CC2D1A: variants seen among roughly 807,000 people sequenced by gnomAD.
CC2D1A encodes coiled-coil and C2 domain containing 1A, also known as coiled-coil and C2 domain-containing protein 1A.
Under a neutral mutation model 123.8 loss-of-function variants are expected in CC2D1A, and 68 were observed. The observed-to-expected ratio is 0.55, with a 90% CI of 0.45 to 0.67. The LOEUF (loss-of-function observed/expected upper bound fraction) is 0.67. CC2D1A is among the 30% of genes least tolerant of loss of function. The pLI is 0.00. For synonymous variants in CC2D1A, 477 were observed against 528.0 expected, an observed-to-expected ratio of 0.90 and a Z score of 1.32; for missense variants, 1,185 against 1,290.3, an observed-to-expected ratio of 0.92 and a Z score of 1.25.
At chr19:13,920,695 G>T (rs1971381325) in intron 13 of CC2D1A, 27 bp downstream of exon 13, 1 of 1,609,252 alleles carries the variant, frequency 6.2e-7, no homozygotes, top group South Asian at 1.1e-5. Flanking sequence ...CGCCCCAGCT[G>T]CCTGTTGCCT....
At chr19:13,927,731 C>G (rs1971694821) in intron 22 of CC2D1A, 162 bp from the exon 23 acceptor site, 2 of 733,162 alleles carry the variant, frequency 2.7e-6, no homozygotes, top group African/African-American at 3.5e-5. Context: ...GCAGTGAGCC[C>G]AGATTGCACC....
intron 26 of CC2D1A, 148 bp downstream of exon 26, chr19:13,929,808 G>A (rs1170620375): frequency 3.9e-4 from 70 of 178,664 alleles, no homozygotes; most frequent in Non-Finnish European, 5.3e-4. Flanking sequence ...CACCTGGAGG[G>A]GGAGGGGCTC....
rs779620838 is a variant in CC2D1A, at chr19:13,927,923, C to G, written c.2347C>G (p.Arg783Gly). ...GGATGGTCGCCGGCCCACAGGGGGG[C>G]GACTGGAGGTAATGGTCCGGATTCG... is the stretch of plus-strand genomic sequence containing the variant. ...VLDGRRPTGG[R>G]LEVMVRIREP... Residue 783 changes from arginine to glycine, a missense_variant, in exon 23 of 29, where the codon CGA becomes GGA. Transcript: ENST00000318003. The G allele has an allele frequency of 1.2e-6, 2 of 1,613,544 alleles. No homozygotes were observed. Among genetic ancestry groups the G allele is most frequent in the South Asian group, 2.2e-5 (2 of 91,076 alleles).
rs1970748652 is a variant in CC2D1A, at chr19:13,906,619, C to T, written c.60+118C>T. On this transcript the variant is annotated intron_variant, in intron 1 of 28. Transcript: ENST00000318003. The surrounding 1 kb of genome is among the most constrained non-coding windows in gnomAD (Gnocchi z 4.1). ...TCCGCCCCACAGGTAAGCCCCGGTC[C>T]CCGCCTCCCCCCAGGTGAGGCTCCA... The T allele has an allele frequency of 1.7e-6, 1 of 579,090 alleles. No individual in the cohort carries two copies. Among genetic ancestry groups the T allele is most frequent in the Non-Finnish European group, 2.8e-6 (1 of 351,714 alleles). The allele number at this position is 579,090 out of a possible 1,614,324, so 35.9% of individuals were successfully genotyped here.
At position 13,913,260 on chromosome 19, in the gene CC2D1A, T is replaced by C; in HGVS notation, c.471T>C (p.Ala157=). The C allele has an allele frequency of 6.2e-7, 1 of 1,613,752 alleles. No homozygotes were observed. The highest frequency in any genetic ancestry group is 8.5e-7 in the Non-Finnish European group (1 of 1,179,914). The stretch of plus-strand genomic sequence containing the variant: ...CAGCAATTGAAAGCGCCAGACAAGC[T>C]GGAGACAGCGCCAAGATGCGGCGCT... The part of the protein sequence containing the change: ...YQTAIESARQ[A]GDSAKMRRYD... The change falls in exon 5 of 29, where the codon GCT becomes GCC. Residue 157 remains alanine (A), a synonymous_variant. Coordinates refer to ENST00000318003, the MANE Select transcript of CC2D1A (RefSeq NM_017721.5).
In CC2D1A at chr19:13,929,389, C is replaced by T. The variant is rs147219219; in HGVS notation, c.2530C>T (p.Pro844Ser). Reference protein sequence around the residue: ...ARESGNRSARPLHSLSVLAFD... With the variant: ...ARESGNRSARSLHSLSVLAFD... ...TCCTCCACCCCTTAGATCAGCCCGGCCCCTGCATAGCCTCAGTGTGCTGGC... is the reference window on the plus strand; with the variant it reads ...TCCTCCACCCCTTAGATCAGCCCGGTCCCTGCATAGCCTCAGTGTGCTGGC... The change falls in exon 25 of 29, where the codon CCC becomes TCC. Residue 844 changes from proline to serine, a missense_variant. Physicochemically the swap from Pro to Ser is moderately conservative, Grantham distance 74 (BLOSUM62 -1). Transcript: ENST00000318003. 5 of 1,613,558 alleles carry T rather than the reference C, an allele frequency of 3.1e-6. No individual in the cohort carries two copies. The highest frequency in any genetic ancestry group is 4.2e-6 in the Non-Finnish European group (5 of 1,179,966).
intron 24 of CC2D1A, 108 bp from the exon 25 acceptor site, chr19:13,929,271 C>T (rs1971770364): frequency 2.6e-6 from 3 of 1,158,212 alleles, no homozygotes; most frequent in Admixed American, 1.7e-5. Context: ...TCCCAAAGTG[C>T]AGGGATTACA....
At position 13,906,380 on chromosome 19, in the gene CC2D1A, G is replaced by A; in HGVS notation, c.-62G>A. ...GGGCGAGTGCGCGGCGACAGAGCCCGGGGAAGGAGGCAGGGCAAGGCCGGG... is the reference window on the plus strand; with the variant it reads ...GGGCGAGTGCGCGGCGACAGAGCCCAGGGAAGGAGGCAGGGCAAGGCCGGG... On this transcript the variant is annotated 5_prime_UTR_variant, in exon 1 of 29. Transcript: ENST00000318003. This position sits in a 1 kb window ranked among gnomAD's most constrained non-coding sequence, Gnocchi z 4.1. The A allele has an allele frequency of 2.2e-6, 3 of 1,367,904 alleles. No homozygotes were observed. The highest frequency in any genetic ancestry group is 1.4e-5 in the South Asian group (1 of 74,024). 84.7% of individuals were successfully genotyped at this position (1,367,904 alleles called of 1,614,324 possible). A position where few individuals can be genotyped will look rare whatever the true frequency, so the allele number is the denominator to read the frequency against.
chr19:13,930,050 C>A lies in CC2D1A; in HGVS notation c.2711-28C>A. The A allele has an allele frequency of 6.2e-7, 1 of 1,607,252 alleles. No individual in the cohort carries two copies. ...GTGGGCAGTGAGGCCCCACCCTAAG[C>A]CTCCATTCCCCCGCCATCCATTCTC... is the stretch of plus-strand genomic sequence containing the variant. On this transcript the variant is annotated intron_variant, in intron 26 of 28. Transcript: ENST00000318003. This position sits in a 1 kb window ranked among gnomAD's most constrained non-coding sequence, Gnocchi z 6.8.
In CC2D1A at chr19:13,929,341, G is replaced by A. The variant is rs761297253; in HGVS notation, c.2520-38G>A. The A allele has an allele frequency of 1.9e-6, 3 of 1,604,296 alleles. No individual in the cohort carries two copies. In the African/African-American group the frequency reaches 4.0e-5, roughly 22 times the overall value. On this transcript the variant is annotated intron_variant, in intron 24 of 28. Coordinates refer to ENST00000318003, the MANE Select transcript of CC2D1A (RefSeq NM_017721.5). ...TTGAATTAACAGGGTTGGGCTGGGGGAATCTCTGCAGTCCCTTATCCTTCC... is the reference window on the plus strand; with the variant it reads ...TTGAATTAACAGGGTTGGGCTGGGGAAATCTCTGCAGTCCCTTATCCTTCC...
chr19:13,921,381 A>C (rs1421876517), intron 14 of CC2D1A, among the ~76,000 whole-genome samples: 2 of 151,756 alleles, frequency 1.3e-5, no homozygotes, highest in Non-Finnish European at 2.9e-5. Flanking sequence ...GACCAGCCTG[A>C]GCTCCATTAC....
chr19:13,923,203 A>AG lies in CC2D1A; in HGVS notation c.1642-130_1642-129insG. 8.3e-7 allele frequency: 1 copy of AG among 1,211,490 alleles called. No homozygotes were observed. The highest frequency in any genetic ancestry group is 1.5e-5 in the African/African-American group (1 of 65,624). The allele number at this position is 1,211,490 out of a possible 1,614,324, so 75.0% of individuals were successfully genotyped here. On this transcript the variant is annotated intron_variant, in intron 14 of 28. Transcript: ENST00000318003. This position sits in a 1 kb window ranked among gnomAD's most constrained non-coding sequence, Gnocchi z 5.3. ...GCGAGACTCCATCTCAAAAAAAAAA[A>AG]AAGACCAGAGAAGGGTGACAGAGCC... is the stretch of plus-strand genomic sequence containing the variant.
rs1474864367 is a variant in CC2D1A at position 13,925,959 on chromosome 19, T to TATAC, written c.1941-557_1941-556insTACA. 1.5e-3 allele frequency among the ~76,000 whole-genome samples: 177 copies of TATAC among 120,356 alleles called. 5 individuals carry two copies. Among genetic ancestry groups the TATAC allele is most frequent in the African/African-American group, 6.7e-3 (174 of 26,026 alleles). 79.0% of individuals were successfully genotyped at this position (120,356 alleles called of 152,430 possible). ...ATATATATATATATATATATATATATACACGTATATATATGTGTATATATA... is the reference window on the plus strand; with the variant it reads ...ATATATATATATATATATATATATATATACACACGTATATATATGTGTATATATA... On this transcript the variant is annotated intron_variant, in intron 17 of 28. Coordinates refer to ENST00000318003, the MANE Select transcript of CC2D1A (RefSeq NM_017721.5).
intron 6 of CC2D1A, among the ~76,000 whole-genome samples, chr19:13,915,723 C>T (rs1015487763): frequency 2.6e-5 from 4 of 152,068 alleles, no homozygotes; most frequent in South Asian, 2.1e-4. Flanking sequence ...CCCAGCTCCT[C>T]GAGAAGCTGA....
At chr19:13,911,754 C>T (rs1482079122) in intron 2 of CC2D1A, among the ~76,000 whole-genome samples, 8 of 134,460 alleles carry the variant, frequency 5.9e-5, no homozygotes, top group Non-Finnish European at 9.3e-5. Context: ...CTCGCTCTGT[C>T]GCCCAGGCTG....
chr19:13,916,394 G>A lies in CC2D1A; in HGVS notation c.749-1676G>A, dbSNP rs117457651. ...TGTCTGGGCAACATAGGGAAACTGC[G>A]TCTCTATAAAAAATTAAAAATTAGC... On this transcript the variant is annotated intron_variant, in intron 6 of 28. Transcript: ENST00000318003. Among the ~76,000 whole-genome samples the A allele has an allele frequency of 2.5e-3, 380 of 151,896 alleles. 6 individuals carry two copies. The highest frequency in any genetic ancestry group is 7.5e-3 in the African/African-American group (311 of 41,428).
chr19:13,927,432 C>A, intron 22 of CC2D1A, 167 bp downstream of exon 22: 1 of 617,060 alleles, frequency 1.6e-6, no homozygotes, highest in Non-Finnish European at 2.9e-6. Flanking sequence ...TTGCAGTACC[C>A]CACTCCATTA....
In CC2D1A at chr19:13,917,615, G is replaced by A. The variant is rs377109084; in HGVS notation, c.749-455G>A. On this transcript the variant is annotated intron_variant, in intron 6 of 28. Transcript: ENST00000318003. ...AAAAATTAGCCAGAAATTGGGAGGCGGAGGTTGCAGTGAGCCAAGATTGTG... is the reference window on the plus strand; with the variant it reads ...AAAAATTAGCCAGAAATTGGGAGGCAGAGGTTGCAGTGAGCCAAGATTGTG... Among the ~76,000 whole-genome samples the A allele has an allele frequency of 2.3e-3, 349 of 151,872 alleles. 2 individuals are homozygous for A. The highest frequency in any genetic ancestry group is 9.4e-3 in the South Asian group (45 of 4,812).
At position 13,918,832 on chromosome 19, in the gene CC2D1A, C is replaced by G. The variant is rs761958009; in HGVS notation, c.1018+15C>G. ...CTCCACAACAGGTAGGTTCTGGGACCCTCTGGGGTTGGGGGCAGGCTGGAG... is the reference window on the plus strand; with the variant it reads ...CTCCACAACAGGTAGGTTCTGGGACGCTCTGGGGTTGGGGGCAGGCTGGAG... On this transcript the variant is annotated intron_variant, in intron 9 of 28. Transcript: ENST00000318003. 1.2e-6 allele frequency: 2 copies of G among 1,612,672 alleles called. No individual in the cohort carries two copies. Among genetic ancestry groups the G allele is most frequent in the Non-Finnish European group, 1.7e-6 (2 of 1,179,324 alleles).
Sources: allele counts gnomAD v4.1 joint callset (sites outside exome capture counted in the v4.1 genomes callset), GRCh38; gene constraint gnomAD v4.1.1; non-coding constraint Gnocchi (gnomAD v3.1); transcripts MANE v1.5; gene names NCBI Gene and HGNC (gene_info 2026-07-23, HGNC 2026-07-21).